The following EPS15 variants were observed in gnomAD, a reference collection of about 807,000 sequenced individuals.
EPS15 encodes epidermal growth factor receptor substrate 15.
EPS15 carries 72 observed loss-of-function variants against 113.8 expected under a neutral mutation model. The ratio of observed to expected loss-of-function variants is 0.63; its 90% CI spans 0.52 to 0.77. The LOEUF (loss-of-function observed/expected upper bound fraction) is 0.77, where lower values mean the gene tolerates loss of function less well. EPS15 is among the 30% of genes least tolerant of loss of function. The pLI, the probability that EPS15 is intolerant of heterozygous loss-of-function variation, is 0.00. For missense variants in EPS15, 1,048 were observed against 1,045.8 expected (o/e 1.00, Z -0.03); for synonymous variants, 344 against 363.4 (o/e 0.95, Z 0.61).
chr1:51,508,886 A>G (rs1455887709), intron 1 of EPS15, among the ~76,000 whole-genome samples: 3 of 152,224 alleles, frequency 2.0e-5, no homozygotes, highest in African/African-American at 7.2e-5. Flanking sequence ...ATGTTCCTAT[A>G]GATTTATGTT....
chr1:51,425,100 G>C (rs1278171773), intron 12 of EPS15, among the ~76,000 whole-genome samples: 1 of 152,018 alleles, frequency 6.6e-6, no homozygotes, highest in Non-Finnish European at 1.5e-5. Flanking sequence ...ACATCCTGAG[G>C]AATCCACAAG....
In EPS15 at chr1:51,447,120, A is replaced by G; in HGVS notation, c.652-15T>C. 6.3e-7 allele frequency: 1 copy of G among 1,581,140 alleles called. No homozygotes were observed. The highest frequency in any genetic ancestry group is 8.5e-7 in the Non-Finnish European group (1 of 1,170,090). On this transcript the variant is annotated splice_polypyrimidine_tract_variant and intron_variant, in intron 9 of 24. Coordinates refer to ENST00000371733, the MANE Select transcript of EPS15 (RefSeq NM_001981.3). ...GATACAACCCACTACAGGGAGGAAA[A>G]AAAACAGTATTTCTGCCAAAATGAA... is the stretch of plus-strand genomic sequence containing the variant.
intron 12 of EPS15, among the ~76,000 whole-genome samples, chr1:51,427,655 A>G (rs1335970168): frequency 2.6e-5 from 4 of 152,216 alleles, no homozygotes; most frequent in Non-Finnish European, 5.9e-5. Context: ...TGCAGATAAT[A>G]ATGTCATATT....
intron 14 of EPS15, 111 bp from the exon 15 acceptor site, chr1:51,408,443 T>C (rs1187678791): frequency 2.7e-6 from 2 of 749,360 alleles, no homozygotes; most frequent in Non-Finnish European, 4.4e-6. Context: ...TGGTGTTTTT[T>C]TTGACAGCAA....
chr1:51,419,823 T>C (rs1448263645), intron 13 of EPS15, among the ~76,000 whole-genome samples: 1 of 152,086 alleles, frequency 6.6e-6, no homozygotes, highest in Non-Finnish European at 1.5e-5. Flanking sequence ...GAAATATACT[T>C]ATTACCACCT....
chr1:51,470,937 A>G (rs969269747), intron 4 of EPS15, among the ~76,000 whole-genome samples: 3 of 152,064 alleles, frequency 2.0e-5, no homozygotes, highest in Non-Finnish European at 2.9e-5. Context: ...GTTTTCCTAT[A>G]CCTCCAATAC....
intron 17 of EPS15, 142 bp downstream of exon 17, chr1:51,403,277 C>A (rs1196873257): frequency 2.3e-6 from 1 of 442,258 alleles, no homozygotes; most frequent in South Asian, 6.2e-5. Context: ...GGCTATATTG[C>A]CTAAAGGTGA....
At position 51,448,041 on chromosome 1, in the gene EPS15, C is replaced by T. The variant is rs983434443; in HGVS notation, c.651+5G>A. 1.2e-6 allele frequency: 2 copies of T among 1,613,330 alleles called. No homozygotes were observed. The highest frequency in any genetic ancestry group is 2.7e-5 in the African/African-American group (2 of 74,876). On this transcript the variant is annotated splice_donor_5th_base_variant and intron_variant, in intron 9 of 24. Transcript: ENST00000371733. The stretch of plus-strand genomic sequence containing the variant: ...GATCAACCGCACAGAGCCTGATATA[C>T]TGACCGTTTTTCTCTTAGATGGTGG...
intron 13 of EPS15, among the ~76,000 whole-genome samples, chr1:51,417,047 C>T (rs1051686639): frequency 6.6e-6 from 1 of 151,760 alleles, no homozygotes; most frequent in African/African-American, 2.4e-5. Context: ...GTTAGAAAAC[C>T]CCATTAACAG....
At chr1:51,481,888 G>C (rs182738898) in intron 1 of EPS15, among the ~76,000 whole-genome samples, 1 of 152,198 alleles carries the variant, frequency 6.6e-6, no homozygotes, top group Non-Finnish European at 1.5e-5. Context: ...TTGAAGGATC[G>C]ACTGGGTGCA....
At chr1:51,433,799 G>T (rs1426616788) in intron 12 of EPS15, among the ~76,000 whole-genome samples, 1 of 152,236 alleles carries the variant, frequency 6.6e-6, no homozygotes, top group African/African-American at 2.4e-5. Context: ...ACAGGATGTG[G>T]CTTTAACTTC....
At chr1:51,401,528 C>G (rs1557431346) in intron 18 of EPS15, among the ~76,000 whole-genome samples, 1 of 152,168 alleles carries the variant, frequency 6.6e-6, no homozygotes, top group Non-Finnish European at 1.5e-5. Context: ...AACTCTTAGA[C>G]AAAGACAGCA....
chr1:51,444,794 TTTCTC>T (rs1652871079), intron 11 of EPS15, 90 bp downstream of exon 11: 1 of 1,243,778 alleles, frequency 8.0e-7, no homozygotes, highest in African/African-American at 1.5e-5. Flanking sequence ...CCAGATACAT[TTTCTC>T]TTCTATTTCA....
intron 5 of EPS15, 129 bp downstream of exon 5, chr1:51,468,344 A>G (rs1399230708): frequency 1.4e-6 from 1 of 717,228 alleles, no homozygotes; most frequent in South Asian, 1.7e-5. Flanking sequence ...AGTAGGGGGA[A>G]AAAAGCCAAG....
At chr1:51,445,987 T>C (rs183886856) in intron 10 of EPS15, among the ~76,000 whole-genome samples, 3 of 152,380 alleles carry the variant, frequency 2.0e-5, no homozygotes. Flanking sequence ...TGGCAGCTAC[T>C]ACTAGTTATG....
chr1:51,447,688 G>A (rs1653179335), intron 9 of EPS15, among the ~76,000 whole-genome samples: 1 of 152,144 alleles, frequency 6.6e-6, no homozygotes, highest in African/African-American at 2.4e-5. Flanking sequence ...ATGTTAGCAT[G>A]GAGCATCTTC....
intron 11 of EPS15, 80 bp from the exon 12 acceptor site, chr1:51,440,512 T>G: frequency 3.6e-6 from 2 of 560,362 alleles, no homozygotes; most frequent in South Asian, 3.0e-5. Flanking sequence ...ATTAAAGCTC[T>G]ACGCAGATAT....
At chr1:51,500,421 T>C (rs901217086) in intron 1 of EPS15, among the ~76,000 whole-genome samples, 1 of 152,222 alleles carries the variant, frequency 6.6e-6, no homozygotes, top group African/African-American at 2.4e-5. Flanking sequence ...ATCTCATCAG[T>C]AGTACATTTC....
intron 21 of EPS15, among the ~76,000 whole-genome samples, chr1:51,384,608 G>GA (rs1172462713): frequency 1.3e-5 from 2 of 151,914 alleles, no homozygotes; most frequent in South Asian, 2.1e-4. Context: ...AAAGTGCTGG[G>GA]ATTACATGCA....
Sources: allele counts gnomAD v4.1 joint callset (sites outside exome capture counted in the v4.1 genomes callset), GRCh38; gene constraint gnomAD v4.1.1; transcripts MANE v1.5; gene names NCBI Gene and HGNC (gene_info 2026-07-23, HGNC 2026-07-21).